The following NAALADL2 variants were observed in gnomAD, a reference collection of about 807,000 sequenced individuals.
The protein encoded by NAALADL2 is inactive N-acetylated-alpha-linked acidic dipeptidase-like protein 2.
Under a neutral mutation model 87.2 loss-of-function variants are expected in NAALADL2, and 76 were observed. The ratio of observed to expected loss-of-function variants is 0.87; its 90% CI spans 0.72 to 1.05. The LOEUF (loss-of-function observed/expected upper bound fraction) is 1.05, where lower values mean the gene tolerates loss of function less well. Among genes scored for constraint, NAALADL2 ranks in the 50% least tolerant of loss-of-function variants. NAALADL2 has a pLI of 0.00. For missense variants in NAALADL2, 1,089 were observed against 945.8 expected, an observed-to-expected ratio of 1.15 and a Z score of -1.99; for synonymous variants, 354 against 331.0, an observed-to-expected ratio of 1.07 and a Z score of -0.75.
At chr3:175,691,404 G>C (rs1737028062) in intron 11 of NAALADL2, among the ~76,000 whole-genome samples, 1 of 151,458 alleles carries the variant, frequency 6.6e-6, no homozygotes, top group Non-Finnish European at 1.5e-5. Context: ...GTGTGTGTGT[G>C]TATGTATACA....
chr3:175,588,534 C>CTTTTCTTTTTTTTTTTT (rs1720887287), intron 10 of NAALADL2, among the ~76,000 whole-genome samples: 1 of 78,142 alleles, frequency 1.3e-5, no homozygotes, highest in African/African-American at 5.2e-5. Context: ...TCTTTCTTTT[C>CTTTTCTTTTTTTTTTTT]TTTTTTTTTT....
intron 1 of NAALADL2, among the ~76,000 whole-genome samples, chr3:174,906,180 A>T (rs1172665926): frequency 2.6e-5 from 4 of 152,132 alleles, no homozygotes; most frequent in African/African-American, 9.7e-5. Flanking sequence ...ATTCTTTTAG[A>T]ACTATAAAAG....
At chr3:175,483,326 C>CTTT (rs563162771) in intron 9 of NAALADL2, among the ~76,000 whole-genome samples, 8 of 131,540 alleles carry the variant, frequency 6.1e-5, no homozygotes, top group African/African-American at 1.7e-4. Flanking sequence ...TACTTTTTGG[C>CTTT]TTTTTTTTTT....
chr3:175,243,607 A>T (rs766003351), intron 3 of NAALADL2, among the ~76,000 whole-genome samples: 14 of 148,616 alleles, frequency 9.4e-5, no homozygotes, highest in Non-Finnish European at 1.9e-4. Context: ...GTTCAACTAA[A>T]AGCAATGGAC....
chr3:174,954,148 C>T (rs1398442487), intron 1 of NAALADL2, among the ~76,000 whole-genome samples: 2 of 152,046 alleles, frequency 1.3e-5, no homozygotes, highest in African/African-American at 2.4e-5. Flanking sequence ...GCCCACTGCC[C>T]TAATCAGGCA....
At chr3:174,785,692 A>G (rs1455856482) in intron 3 of NAALADL2, among the ~76,000 whole-genome samples, 2 of 152,154 alleles carry the variant, frequency 1.3e-5, no homozygotes, top group Non-Finnish European at 2.9e-5. Context: ...GGACATTAAG[A>G]TGTAGGCTTT....
At chr3:175,781,655 C>CT (rs1751103102) in intron 13 of NAALADL2, among the ~76,000 whole-genome samples, 4 of 97,584 alleles carry the variant, frequency 4.1e-5, no homozygotes, top group African/African-American at 9.7e-5. Context: ...TCATTTTTAG[C>CT]AAAAAAAAAA....
intron 1 of NAALADL2, among the ~76,000 whole-genome samples, chr3:174,916,318 G>A (rs1207731559): frequency 6.6e-6 from 1 of 151,986 alleles, no homozygotes; most frequent in African/African-American, 2.4e-5. Flanking sequence ...TTCCTTAATA[G>A]GAACTAAAAG....
intron 1 of NAALADL2, among the ~76,000 whole-genome samples, chr3:175,009,256 A>G (rs59184727): frequency 0.014 from 2,192 of 152,310 alleles, 39 homozygotes; most frequent in African/African-American, 0.049. Context: ...TAGAGGGTAG[A>G]GTAAGGACAG....
intron 1 of NAALADL2, among the ~76,000 whole-genome samples, chr3:175,086,215 T>C (rs1718867025): frequency 3.3e-5 from 5 of 152,216 alleles, no homozygotes; most frequent in Admixed American, 3.3e-4. Flanking sequence ...TGGTTCTTTA[T>C]AGTTTACAAT....
At chr3:175,059,007 G>A (rs746492356) in intron 1 of NAALADL2, among the ~76,000 whole-genome samples, 12 of 152,098 alleles carry the variant, frequency 7.9e-5, no homozygotes, top group Non-Finnish European at 1.8e-4. Context: ...GAGTTGTCAG[G>A]GACATTGCTT....
intron 5 of NAALADL2, among the ~76,000 whole-genome samples, chr3:175,441,495 A>G (rs1029814863): frequency 2.6e-5 from 4 of 152,136 alleles, no homozygotes; most frequent in African/African-American, 9.7e-5. Context: ...TAATGTGCAT[A>G]CAAATCACCT....
In NAALADL2 at chr3:174,707,075, C is replaced by A. The variant is rs60353469; in HGVS notation, c.-114-30566C>A. Among the ~76,000 whole-genome samples, 938 of 152,212 alleles carry A rather than the reference C, an allele frequency of 6.2e-3. 5 individuals carry two copies. Among genetic ancestry groups the A allele is most frequent in the African/African-American group, 0.021 (892 of 41,508 alleles). On this transcript the variant is annotated intron_variant, in intron 2 of 3. Transcript: ENST00000434257. ...ATCATCACTGGCCATCAGAGAAATG[C>A]AAATCAAAACCACAATGAGATATCA...
At chr3:174,896,471 G>T (rs983495220) in intron 1 of NAALADL2, among the ~76,000 whole-genome samples, 1 of 152,044 alleles carries the variant, frequency 6.6e-6, no homozygotes, top group African/African-American at 2.4e-5. Context: ...AGAATTAAAG[G>T]ATCTCTATGA....
chr3:174,502,169 C>T (rs1327369555), intron 1 of NAALADL2, among the ~76,000 whole-genome samples: 2 of 152,116 alleles, frequency 1.3e-5, no homozygotes, highest in African/African-American at 2.4e-5. Context: ...GTTTTCCCTC[C>T]CATTATTTTC....
chr3:174,458,626 T>G (rs1159313020), intron 1 of NAALADL2: 1 of 152,212 alleles, frequency 6.6e-6, no homozygotes, highest in Non-Finnish European at 1.5e-5. Context: ...AATGTAGGAT[T>G]GTGAAGTCTT....
chr3:174,790,055 T>C (rs1277171579), intron 3 of NAALADL2, among the ~76,000 whole-genome samples: 1 of 152,164 alleles, frequency 6.6e-6, no homozygotes, highest in Non-Finnish European at 1.5e-5. Context: ...TACTCTTGGC[T>C]CTCTTTCACC....
rs1747121040 is a variant in NAALADL2 at position 175,755,288 on chromosome 3, C to A, written c.2059C>A (p.Gln687Lys). The change falls in exon 13 of 14, where the codon CAG (glutamine) becomes AAG (lysine). Residue 687 changes from glutamine to lysine, a missense_variant. By Grantham distance (53) the Gln-to-Lys change is moderately conservative (BLOSUM62 1). Transcript: ENST00000454872. ...LRLRESAELFQSDEMRPANDP... is the reference protein window; with the variant it reads ...LRLRESAELFKSDEMRPANDP... The stretch of plus-strand genomic sequence containing the variant: ...CCTGCGGGAGAGTGCTGAACTTTTT[C>A]AGTCTGATGAGATGCGACCTGCTAA... The A allele has an allele frequency of 1.9e-6, 3 of 1,613,532 alleles. No individual in the cohort carries two copies. The highest frequency in any genetic ancestry group is 2.5e-6 in the Non-Finnish European group (3 of 1,179,770).
chr3:174,793,907 G>C (rs1034674040), intron 3 of NAALADL2, among the ~76,000 whole-genome samples: 6 of 151,638 alleles, frequency 4.0e-5, no homozygotes, highest in African/African-American at 1.5e-4. Flanking sequence ...AGAAGATACA[G>C]TTGCGACCAT....
Sources: allele counts gnomAD v4.1 joint callset (sites outside exome capture counted in the v4.1 genomes callset), GRCh38; gene constraint gnomAD v4.1.1; transcripts MANE v1.5; gene names NCBI Gene and HGNC (gene_info 2026-07-23, HGNC 2026-07-21).